The following LPP variants were observed in gnomAD, a reference collection of about 807,000 sequenced individuals.
LPP encodes lipoma-preferred partner.
LPP carries 38 observed loss-of-function variants against 60.4 expected under a neutral mutation model. That is an observed-to-expected ratio of 0.63 (90% confidence interval 0.49 to 0.83). The LOEUF (loss-of-function observed/expected upper bound fraction) is 0.83. LPP is among the 40% of genes least tolerant of loss of function. The pLI, the probability that LPP is intolerant of heterozygous loss-of-function variation, is 0.00. For missense variants in LPP, 902 were observed against 783.6 expected (o/e 1.15, Z -1.80); for synonymous variants, 328 against 290.8 (o/e 1.13, Z -1.30).
intron 2 of LPP, among the ~76,000 whole-genome samples, chr3:188,270,225 T>C (rs1737245758): frequency 6.6e-6 from 1 of 152,056 alleles, no homozygotes; most frequent in Non-Finnish European, 1.5e-5. Flanking sequence ...TTTTCTCAAC[T>C]GGCCTAAGTT....
chr3:188,304,490 A>G (rs1750888031), intron 2 of LPP, among the ~76,000 whole-genome samples: 1 of 152,114 alleles, frequency 6.6e-6, no homozygotes, highest in African/African-American at 2.4e-5. Flanking sequence ...TAAAGTTCCT[A>G]ATTTACATAC....
rs539723575 is a variant in LPP, at chr3:188,578,556, G to T, written c.430-30605G>T. On this transcript the variant is annotated intron_variant, in intron 6 of 11. Coordinates refer to ENST00000617246, the MANE Select transcript of LPP (RefSeq NM_001375462.1). Reference sequence around the variant, plus strand: ...ATGAAGGCGACAGGTTTTTTTGTGTGTCTTACTTTTTAAAGGGGAAATATT... The same window carrying T: ...ATGAAGGCGACAGGTTTTTTTGTGTTTCTTACTTTTTAAAGGGGAAATATT... Among the ~76,000 whole-genome samples, 3 of 151,730 alleles carry T rather than the reference G, an allele frequency of 2.0e-5. No individual in the cohort carries two copies. The South Asian group carries it at 6.2e-4, about 32-fold the overall frequency.
intron 4 of LPP, among the ~76,000 whole-genome samples, chr3:188,425,297 A>C (rs919053261): frequency 6.6e-6 from 1 of 152,118 alleles, no homozygotes; most frequent in Non-Finnish European, 1.5e-5. Context: ...GATGAAGCTG[A>C]CTTTTTCATA....
intron 9 of LPP, among the ~76,000 whole-genome samples, chr3:188,862,839 C>T (rs557490533): frequency 6.6e-6 from 1 of 151,864 alleles, no homozygotes; most frequent in Admixed American, 6.6e-5. Flanking sequence ...AGAGACATCC[C>T]TCTTTCACTT....
intron 2 of LPP, among the ~76,000 whole-genome samples, chr3:188,321,393 A>C (rs1450672122): frequency 6.6e-6 from 1 of 152,202 alleles, no homozygotes; most frequent in Non-Finnish European, 1.5e-5. Context: ...GAAAATTTTA[A>C]ATGGTGTATG....
intron 2 of LPP, among the ~76,000 whole-genome samples, chr3:188,229,380 A>G (rs1719011860): frequency 1.3e-5 from 2 of 152,138 alleles, no homozygotes; most frequent in Non-Finnish European, 2.9e-5. Flanking sequence ...GACTGTCGCC[A>G]AGGGCTTTCA....
chr3:188,437,386 A>T (rs1006996458), intron 4 of LPP, among the ~76,000 whole-genome samples: 1 of 152,230 alleles, frequency 6.6e-6, no homozygotes, highest in Non-Finnish European at 1.5e-5. Context: ...TGTTTCAATC[A>T]CATAAATCCT....
intron 7 of LPP, among the ~76,000 whole-genome samples, chr3:188,613,872 C>T (rs1341771944): frequency 6.6e-6 from 1 of 151,594 alleles, no homozygotes; most frequent in Non-Finnish European, 1.5e-5. Flanking sequence ...CCACTTTGAA[C>T]ATTCCAGTAG....
chr3:188,308,800 C>T, intron 2 of LPP, among the ~76,000 whole-genome samples: 1 of 152,106 alleles, frequency 6.6e-6, no homozygotes, highest in East Asian at 1.9e-4. Context: ...GCTGGGGGCT[C>T]CAGGGCAAAT....
At chr3:188,526,976 G>A (rs1174150611) in intron 6 of LPP, among the ~76,000 whole-genome samples, 1 of 152,146 alleles carries the variant, frequency 6.6e-6, no homozygotes, top group Non-Finnish European at 1.5e-5. Context: ...CTTATCAAAA[G>A]ACTTGCATTT....
intron 1 of LPP, among the ~76,000 whole-genome samples, chr3:188,154,888 G>A (rs1182213571): frequency 6.6e-6 from 1 of 152,184 alleles, no homozygotes; most frequent in Non-Finnish European, 1.5e-5. Flanking sequence ...GTTAAAGGAA[G>A]TTCCAGGGAG....
chr3:188,819,027 CGTGTGTGTGTGTGT>C (rs59994224), intron 9 of LPP, among the ~76,000 whole-genome samples: 17 of 142,290 alleles, frequency 1.2e-4, no homozygotes, highest in South Asian at 4.8e-4. Context: ...TCATGGGGGT[CGTGTGTGTGTGTGT>C]GTGTGTGTGT....
intron 4 of LPP, among the ~76,000 whole-genome samples, chr3:188,471,376 A>G (rs1801799404): frequency 1.3e-5 from 2 of 152,208 alleles, no homozygotes; most frequent in Admixed American, 1.3e-4. Context: ...AATGTTGACT[A>G]TCTGGGCTAT....
At chr3:188,260,323 G>C (rs573913030) in intron 2 of LPP, among the ~76,000 whole-genome samples, 1 of 152,226 alleles carries the variant, frequency 6.6e-6, no homozygotes, top group East Asian at 1.9e-4. Flanking sequence ...GATTAGAGGC[G>C]TGAGCCACTG....
At chr3:188,184,241 A>G (rs1292450019) in intron 1 of LPP, among the ~76,000 whole-genome samples, 2 of 152,164 alleles carry the variant, frequency 1.3e-5, no homozygotes, top group Non-Finnish European at 2.9e-5. Flanking sequence ...TGCACGGACT[A>G]CTTCCAGCAC....
chr3:188,318,418 C>CAAAAA (rs397946048), intron 2 of LPP, among the ~76,000 whole-genome samples: 10 of 130,220 alleles, frequency 7.7e-5, no homozygotes, highest in African/African-American at 1.9e-4. Flanking sequence ...TCCAAAAAAA[C>CAAAAA]AAAAAAAAAA....
In LPP at chr3:188,609,018, G is replaced by A. The variant is rs929070098; in HGVS notation, c.430-143G>A. ...GTGTTCATCTGTGAACACTTTGAAG[G>A]CAAGATTATGCCTTATTTGTGTTCT... On this transcript the variant is annotated intron_variant, in intron 6 of 11. Coordinates refer to ENST00000617246, the MANE Select transcript of LPP (RefSeq NM_001375462.1). This position sits in a 1 kb window ranked among gnomAD's most constrained non-coding sequence, Gnocchi z 6.9. The A allele has an allele frequency of 5.9e-6, 4 of 676,330 alleles. No homozygotes were observed. Among genetic ancestry groups the A allele is most frequent in the African/African-American group, 1.8e-5 (1 of 54,918 alleles). The allele number at this position is 676,330 out of a possible 1,614,324, so 41.9% of individuals were successfully genotyped here.
rs1578108309 is a variant in LPP at position 188,875,817 on chromosome 3, C to G, written c.*1338C>G. 1 of 195,136 alleles carries G rather than the reference C, an allele frequency of 5.1e-6. No homozygotes were observed. Among genetic ancestry groups the G allele is most frequent in the East Asian group, 8.1e-5 (1 of 12,302 alleles). The allele number at this position is 195,136 out of a possible 1,614,324, so 12.1% of individuals were successfully genotyped here. ...CTTGCTTGCCAACTGCCAAGCCATA[C>G]TTATTAAGTTCGAACATGTTTCACT... On this transcript the variant is annotated 3_prime_UTR_variant, in exon 12 of 12. Coordinates refer to ENST00000617246, the MANE Select transcript of LPP (RefSeq NM_001375462.1).
At chr3:188,808,847 A>C (rs977284604) in intron 9 of LPP, among the ~76,000 whole-genome samples, 1 of 151,914 alleles carries the variant, frequency 6.6e-6, no homozygotes, top group African/African-American at 2.4e-5. Flanking sequence ...CCATCCCCCA[A>C]CAGGCTCAGA....
Sources: gnomAD v4.1 joint callset for allele counts (sites outside exome capture counted in the v4.1 genomes callset) on GRCh38, gnomAD v4.1.1 for gene constraint, Gnocchi (gnomAD v3.1) non-coding constraint, MANE v1.5 for transcripts, NCBI Gene and HGNC (gene_info 2026-07-23, HGNC 2026-07-21) for gene names.